Variants in SYT1 observed in about 807,000 individuals in gnomAD.
The protein encoded by SYT1 is synaptotagmin-1.
In SYT1, 8 loss-of-function variants were observed where a neutral mutation model predicts 44.8. The observed-to-expected ratio is 0.18, with a 90% CI of 0.10 to 0.32. The LOEUF (loss-of-function observed/expected upper bound fraction) is 0.32, where lower values mean the gene tolerates loss of function less well. Among genes scored for constraint, SYT1 ranks in the 10% least tolerant of loss-of-function variants. The probability of loss-of-function intolerance (pLI) is 1.00; values close to 1 mark genes in which losing one functional copy is unlikely to be tolerated. For synonymous variants in SYT1, 154 were observed against 188.8 expected (o/e 0.82, Z 1.51); for missense variants, 286 against 509.3 (o/e 0.56, Z 4.22).
At chr12:78,931,372 GGAAGGAAGGAAGGAAGGAAGGAAGGGA>G in intron 1 of SYT1, among the ~76,000 whole-genome samples, 1 of 104,936 alleles carries the variant, frequency 9.5e-6, no homozygotes, top group East Asian at 3.5e-4. Flanking sequence ...AAGGAAGGAA[GGAAGGAAGGAAGGAAGGAAGGAAGGGA>G]GGAGAGAGGA....
chr12:79,245,473 CA>C (rs1273397377), intron 4 of SYT1, among the ~76,000 whole-genome samples: 20 of 43,542 alleles, frequency 4.6e-4, no homozygotes, highest in Non-Finnish European at 6.8e-4. Flanking sequence ...ACTCCGTCAA[CA>C]AAAAAAAAAA....
At chr12:79,325,374 G>C (rs1326975311) in intron 8 of SYT1, among the ~76,000 whole-genome samples, 3 of 152,158 alleles carry the variant, frequency 2.0e-5, no homozygotes, top group Admixed American at 6.5e-5. Context: ...AAAAGAAGCA[G>C]ATACTCTTAT....
At position 79,370,711 on chromosome 12, in the gene SYT1, A is replaced by G. The variant is rs988299129; in HGVS notation, c.928+17092A>G. The stretch of plus-strand genomic sequence containing the variant: ...CCGGGAGGCGGAGCTTGCAGTGAGC[A>G]GAGATCGCGCCACTGCACTCCAGCC... On this transcript the variant is annotated intron_variant, in intron 9 of 10. Coordinates refer to ENST00000261205, the MANE Select transcript of SYT1 (RefSeq NM_005639.3). 3.9e-5 allele frequency among the ~76,000 whole-genome samples: 6 copies of G among 152,134 alleles called. No individual in the cohort carries two copies. In the East Asian group the frequency reaches 9.7e-4, roughly 25 times the overall value.
At chr12:79,175,965 T>G (rs1271205478) in intron 3 of SYT1, among the ~76,000 whole-genome samples, 3 of 152,098 alleles carry the variant, frequency 2.0e-5, no homozygotes, top group Non-Finnish European at 4.4e-5. Context: ...TTTCACACTA[T>G]TGGTCCTTAA....
intron 2 of SYT1, among the ~76,000 whole-genome samples, chr12:79,034,967 G>C (rs1873036738): frequency 6.6e-6 from 1 of 151,496 alleles, no homozygotes; most frequent in Admixed American, 6.6e-5. Context: ...TCTCCACATG[G>C]ATGCCCAACA....
At chr12:79,324,059 T>G (rs1881495352) in intron 8 of SYT1, among the ~76,000 whole-genome samples, 1 of 149,828 alleles carries the variant, frequency 6.7e-6, no homozygotes, top group Non-Finnish European at 1.5e-5. Flanking sequence ...CAAGCGATTC[T>G]CCTGCCTCAG....
intron 8 of SYT1, among the ~76,000 whole-genome samples, chr12:79,329,665 A>G (rs751405680): frequency 1.1e-4 from 16 of 152,160 alleles, no homozygotes; most frequent in Non-Finnish European, 2.2e-4. Context: ...AAGCTTAGAG[A>G]AATGAAACAA....
At chr12:79,276,963 A>T (rs1878768426) in intron 4 of SYT1, among the ~76,000 whole-genome samples, 1 of 146,208 alleles carries the variant, frequency 6.8e-6, no homozygotes, top group Non-Finnish European at 1.5e-5. Flanking sequence ...AAGGAGGAGG[A>T]GGAGGAGGAA....
chr12:78,948,308 C>T (rs562756977), intron 1 of SYT1, among the ~76,000 whole-genome samples: 3 of 151,852 alleles, frequency 2.0e-5, no homozygotes, highest in East Asian at 3.9e-4. Flanking sequence ...ATTATTTCAT[C>T]GAGAAATTAA....
chr12:78,914,647 C>G (rs1478419412), intron 1 of SYT1, among the ~76,000 whole-genome samples: 1 of 151,956 alleles, frequency 6.6e-6, no homozygotes, highest in Admixed American at 6.6e-5. Flanking sequence ...ATATGAATTA[C>G]AGCTCAGGCT....
At chr12:79,065,821 G>A (rs1003819413) in intron 3 of SYT1, among the ~76,000 whole-genome samples, 9 of 152,010 alleles carry the variant, frequency 5.9e-5, no homozygotes, top group African/African-American at 1.9e-4. Context: ...GTGTGAATTG[G>A]TTTGAAGTTT....
At chr12:79,394,046 C>T (rs749886692) in intron 9 of SYT1, 2 of 152,248 alleles carry the variant, frequency 1.3e-5, no homozygotes, top group Admixed American at 6.5e-5. Context: ...TGTCAATTTA[C>T]ACCTTGTCTC....
intron 1 of SYT1, among the ~76,000 whole-genome samples, chr12:78,948,142 T>A (rs1321451082): frequency 6.6e-6 from 1 of 151,772 alleles, no homozygotes; most frequent in Non-Finnish European, 1.5e-5. Flanking sequence ...GGTAATTTTT[T>A]AAAGTCAATA....
At chr12:79,175,296 T>G (rs192787000) in intron 3 of SYT1, among the ~76,000 whole-genome samples, 5 of 152,216 alleles carry the variant, frequency 3.3e-5, no homozygotes, top group African/African-American at 4.8e-5. Context: ...TTATTGGTGC[T>G]ATGGGTTTTT....
At chr12:78,973,035 A>G (rs1868489217) in intron 1 of SYT1, among the ~76,000 whole-genome samples, 3 of 152,018 alleles carry the variant, frequency 2.0e-5, no homozygotes, top group Admixed American at 2.0e-4. Context: ...TTTACCTTCT[A>G]TTTTTCATCA....
intron 1 of SYT1, among the ~76,000 whole-genome samples, chr12:78,912,462 G>GA (rs547196763): frequency 5.0e-4 from 76 of 151,858 alleles, no homozygotes; most frequent in African/African-American, 1.8e-3. Context: ...AAGCAGCATT[G>GA]AAAAAAATAA....
At chr12:79,443,048 T>C (rs1355887977) in intron 9 of SYT1, among the ~76,000 whole-genome samples, 1 of 152,192 alleles carries the variant, frequency 6.6e-6, no homozygotes, top group Admixed American at 6.5e-5. Context: ...GGTACAACAT[T>C]CATCCATTAG....
chr12:78,921,499 T>C (rs1876998431), intron 1 of SYT1, among the ~76,000 whole-genome samples: 2 of 152,018 alleles, frequency 1.3e-5, no homozygotes, highest in African/African-American at 2.4e-5. Context: ...AGATTTTTTT[T>C]CTGTACAAGA....
chr12:79,387,638 T>C (rs1884488399), intron 9 of SYT1, among the ~76,000 whole-genome samples: 1 of 152,254 alleles, frequency 6.6e-6, no homozygotes, highest in South Asian at 2.1e-4. Context: ...GTGCAGGCAA[T>C]TTTTAAATAT....
Sources: gnomAD v4.1 joint callset for allele counts (sites outside exome capture counted in the v4.1 genomes callset) on GRCh38, gnomAD v4.1.1 for gene constraint, MANE v1.5 for transcripts, NCBI Gene and HGNC (gene_info 2026-07-23, HGNC 2026-07-21) for gene names.